PPFIBP2: variants seen among roughly 807,000 people sequenced by gnomAD.
The protein encoded by PPFIBP2 is liprin-beta-2.
Under a neutral mutation model 118.3 loss-of-function variants are expected in PPFIBP2, and 118 were observed. That is an observed-to-expected ratio of 1.00 (90% CI 0.86 to 1.16). The LOEUF (loss-of-function observed/expected upper bound fraction) is 1.16. Among genes scored for constraint, PPFIBP2 ranks in the 50% most tolerant of loss-of-function variants. PPFIBP2 has a pLI of 0.00. For missense variants in PPFIBP2, 1,195 were observed against 1,073.1 expected, an observed-to-expected ratio of 1.11 and a Z score of -1.59; for synonymous variants, 414 against 397.4, an observed-to-expected ratio of 1.04 and a Z score of -0.50.
At chr11:7,574,276 G>A (rs572431132) in intron 3 of PPFIBP2, among the ~76,000 whole-genome samples, 12 of 152,264 alleles carry the variant, frequency 7.9e-5, no homozygotes, top group East Asian at 7.7e-4. Context: ...GTAGTGACCC[G>A]TATTTGTGTA....
intron 1 of PPFIBP2, among the ~76,000 whole-genome samples, chr11:7,544,029 T>C (rs1852044697): frequency 1.3e-5 from 2 of 152,202 alleles, no homozygotes; most frequent in South Asian, 4.1e-4. Context: ...CCCTCACTGG[T>C]AGCGAAGAGA....
chr11:7,641,036 G>A lies in PPFIBP2; in HGVS notation c.1376-443G>A, dbSNP rs1055816896. 41 of 1,281,768 alleles carry A rather than the reference G, an allele frequency of 3.2e-5. No individual in the cohort carries two copies. In the African/African-American group the frequency reaches 3.4e-4, roughly 10 times the overall value. 79.4% of individuals were successfully genotyped at this position (1,281,768 alleles called of 1,614,324 possible). ...TCTGCTTCTTGGTTCACTGGAGATC[G>A]TGGCCGGAGTGTCAGTGCCCCCGTA... is the stretch of plus-strand genomic sequence containing the variant. On this transcript the variant is annotated intron_variant, in intron 15 of 23. Transcript: ENST00000299492.
At chr11:7,558,616 C>T (rs1014759071) in intron 2 of PPFIBP2, among the ~76,000 whole-genome samples, 1 of 152,066 alleles carries the variant, frequency 6.6e-6, no homozygotes, top group Admixed American at 6.5e-5. Context: ...ATTAGCCAGG[C>T]GTGGTGGCGC....
rs769438362 is a variant in PPFIBP2 at position 7,653,036 on chromosome 11, G to C, written c.2449G>C (p.Gly817Arg). 2.9e-5 allele frequency: 46 copies of C among 1,608,762 alleles called. No individual in the cohort carries two copies. Among genetic ancestry groups the C allele is most frequent in the Non-Finnish European group, 3.5e-5 (41 of 1,176,260 alleles). ...TTCTGTGTTTTAGCCAAGGAAACTAGGATTTTCACACTTCGGAAACATAAG... is the reference window on the plus strand; with the variant it reads ...TTCTGTGTTTTAGCCAAGGAAACTACGATTTTCACACTTCGGAAACATAAG... Reference protein sequence around the residue: ...TTAKVRPRKLGFSHFGNIRKK... With the variant: ...TTAKVRPRKLRFSHFGNIRKK... Residue 817 changes from glycine (G) to arginine (R), a missense_variant, in exon 24 of 24, where the codon GGA becomes CGA. Coordinates refer to ENST00000299492, the MANE Select transcript of PPFIBP2 (RefSeq NM_003621.5).
rs138229394 is a variant in PPFIBP2, at chr11:7,628,643, C to A, written c.888+297C>A. Among the ~76,000 whole-genome samples, 902 of 152,290 alleles carry A rather than the reference C, an allele frequency of 5.9e-3. 10 individuals carry two copies. The highest frequency in any genetic ancestry group is 0.02 in the African/African-American group (835 of 41,550). On this transcript the variant is annotated intron_variant, in intron 9 of 23. Transcript: ENST00000299492. Reference sequence around the variant, plus strand: ...TGTGATCACTGCCAATATCATAGCTCCTGCTGGAACTCCTAGCACAACAGC... The same window carrying A: ...TGTGATCACTGCCAATATCATAGCTACTGCTGGAACTCCTAGCACAACAGC...
the PPFIBP2 span, among the ~76,000 whole-genome samples, chr11:7,664,305 A>T: frequency 2.0e-5 from 3 of 152,178 alleles, no homozygotes; most frequent in Non-Finnish European, 1.5e-5. Flanking sequence ...TTCCAGGTAG[A>T]CAGACTTGAA....
intron 2 of PPFIBP2, among the ~76,000 whole-genome samples, chr11:7,559,089 A>G (rs1853995956): frequency 6.6e-6 from 1 of 152,236 alleles, no homozygotes; most frequent in South Asian, 2.1e-4. Flanking sequence ...TTCAATGTGC[A>G]TTGAAAGTTG....
chr11:7,666,018 A>ATGCTGTCTGGGC, the PPFIBP2 span: 1 of 1,051,370 alleles, frequency 9.5e-7, no homozygotes, highest in Non-Finnish European at 1.4e-6. Context: ...GGTTGCTGGG[A>ATGCTGTCTGGGC]TGCTGTCTGG....
intron 3 of PPFIBP2, among the ~76,000 whole-genome samples, 181 bp downstream of exon 3, chr11:7,565,948 C>T (rs773480529): frequency 1.6e-4 from 24 of 152,102 alleles, no homozygotes; most frequent in Non-Finnish European, 3.2e-4. Flanking sequence ...CCCAGTCAAG[C>T]GACTTAAGCT....
intron 4 of PPFIBP2, chr11:7,597,251 T>C: frequency 1.3e-6 from 2 of 1,533,582 alleles, no homozygotes; most frequent in Non-Finnish European, 1.7e-6. Flanking sequence ...GGAAGAGGAA[T>C]AAGGAGCAGG....
intron 2 of PPFIBP2, among the ~76,000 whole-genome samples, chr11:7,564,651 C>T (rs1253142170): frequency 6.6e-6 from 1 of 152,218 alleles, no homozygotes; most frequent in Non-Finnish European, 1.5e-5. Context: ...GGTGTGTCTC[C>T]TCCCTGTTCC....
intron 2 of PPFIBP2, among the ~76,000 whole-genome samples, chr11:7,553,904 G>A (rs1853279189): frequency 6.6e-6 from 1 of 152,112 alleles, no homozygotes; most frequent in African/African-American, 2.4e-5. Context: ...AATTAACTGA[G>A]GGAAGGATAC....
intron 5 of PPFIBP2, among the ~76,000 whole-genome samples, chr11:7,601,438 G>T (rs922876745): frequency 4.6e-5 from 7 of 152,166 alleles, no homozygotes; most frequent in Admixed American, 3.9e-4. Flanking sequence ...GGCAGGATGT[G>T]GGATGGGAAG....
chr11:7,615,575 G>T (rs1441037199), intron 6 of PPFIBP2, among the ~76,000 whole-genome samples: 2 of 152,142 alleles, frequency 1.3e-5, no homozygotes, highest in Non-Finnish European at 2.9e-5. Context: ...CAACCTATTT[G>T]TTAGCTCCTA....
chr11:7,583,822 A>C (rs912231187), intron 3 of PPFIBP2, among the ~76,000 whole-genome samples: 1 of 152,208 alleles, frequency 6.6e-6, no homozygotes, highest in African/African-American at 2.4e-5. Context: ...TAGTTCTGGA[A>C]GACCAGAATA....
At chr11:7,632,089 T>C (rs1367948168) in intron 11 of PPFIBP2, among the ~76,000 whole-genome samples, 1 of 152,214 alleles carries the variant, frequency 6.6e-6, no homozygotes, top group Non-Finnish European at 1.5e-5. Flanking sequence ...AGTGTTGTGG[T>C]AGGTACAATA....
chr11:7,516,512 T>C (rs1161149041), intron 1 of PPFIBP2, among the ~76,000 whole-genome samples: 1 of 152,110 alleles, frequency 6.6e-6, no homozygotes, highest in Admixed American at 6.5e-5. Flanking sequence ...AAGGTTCTTG[T>C]ATTGGTTCGA....
intron 18 of PPFIBP2, 85 bp from the exon 19 acceptor site, chr11:7,648,715 G>C (rs1165822327): frequency 4.1e-6 from 6 of 1,457,884 alleles, no homozygotes; most frequent in Non-Finnish European, 5.8e-6. Context: ...GCCATACTCA[G>C]AGCATCTCCA....
In PPFIBP2 at chr11:7,603,149, G is replaced by T. The variant is rs561848416; in HGVS notation, c.486+5476G>T. Reference sequence around the variant, plus strand: ...CATGTTCCGGTGGGAACACAAATCTGTCTGAGGTGGGTAAGACAGTGATTC... The same window carrying T: ...CATGTTCCGGTGGGAACACAAATCTTTCTGAGGTGGGTAAGACAGTGATTC... On this transcript the variant is annotated intron_variant, in intron 5 of 23. Transcript: ENST00000299492. Among the ~76,000 whole-genome samples, 8 of 152,286 alleles carry T rather than the reference G, an allele frequency of 5.3e-5. No individual in the cohort carries two copies. The South Asian group carries it at 1.5e-3, about 28-fold the overall frequency.
Sources: allele counts gnomAD v4.1 joint callset (sites outside exome capture counted in the v4.1 genomes callset), GRCh38; gene constraint gnomAD v4.1.1; transcripts MANE v1.5; gene names NCBI Gene and HGNC (gene_info 2026-07-23, HGNC 2026-07-21).